The following CHRNA7 variants were observed in gnomAD, a reference collection of about 807,000 sequenced individuals.
CHRNA7 encodes neuronal acetylcholine receptor subunit alpha-7.
Under a neutral mutation model 48.0 loss-of-function variants are expected in CHRNA7, and 17 were observed. That is an observed-to-expected ratio of 0.35 (90% CI 0.24 to 0.53). CHRNA7 has a LOEUF of 0.53. CHRNA7 is among the 20% of genes least tolerant of loss of function. The pLI is 0.92. For missense variants in CHRNA7, 155 were observed against 577.7 expected (o/e 0.27, Z 7.50); for synonymous variants, 75 against 242.3 (o/e 0.31, Z 6.41).
intron 2 of CHRNA7, among the ~76,000 whole-genome samples, chr15:32,096,453 GA>G (rs1238163223): frequency 1.3e-5 from 2 of 151,928 alleles, no homozygotes; most frequent in East Asian, 3.9e-4. Context: ...GTAAAACTAA[GA>G]AAAAAATATG....
chr15:32,041,764 C>A (rs1444988050), intron 2 of CHRNA7, among the ~76,000 whole-genome samples: 1 of 152,234 alleles, frequency 6.6e-6, no homozygotes, highest in African/African-American at 2.4e-5. Context: ...GGGATTCTTT[C>A]CTCAGCTGTA....
intron 2 of CHRNA7, among the ~76,000 whole-genome samples, chr15:32,039,367 C>T (rs542848600): frequency 1.3e-4 from 20 of 152,092 alleles, no homozygotes; most frequent in Middle Eastern, 6.8e-3. Flanking sequence ...TTAGATCTTT[C>T]ATTTCTGTAC....
chr15:32,080,500 T>C (rs982533268), intron 2 of CHRNA7, among the ~76,000 whole-genome samples: 1 of 151,964 alleles, frequency 6.6e-6, no homozygotes, highest in Non-Finnish European at 1.5e-5. Context: ...CAGACACTTC[T>C]CAAAAGAAGA....
At chr15:32,111,128 C>T (rs1397939213) in intron 3 of CHRNA7, 1 of 152,190 alleles carries the variant, frequency 6.6e-6, no homozygotes. Flanking sequence ...GGGTATTCCT[C>T]TGGCAAAAGT....
chr15:32,119,778 G>A (rs1033245807), intron 4 of CHRNA7, among the ~76,000 whole-genome samples: 1 of 152,088 alleles, frequency 6.6e-6, no homozygotes, highest in Non-Finnish European at 1.5e-5. Context: ...TGCTTTTGTT[G>A]TTTCTTCTGA....
intron 3 of CHRNA7, among the ~76,000 whole-genome samples, chr15:32,107,692 G>C (rs902279041): frequency 6.6e-6 from 1 of 152,152 alleles, no homozygotes; most frequent in Non-Finnish European, 1.5e-5. Flanking sequence ...AGCTGTTGTC[G>C]TAACTTCTCG....
intron 2 of CHRNA7, among the ~76,000 whole-genome samples, chr15:32,042,885 T>C (rs1260200971): frequency 3.3e-5 from 5 of 152,182 alleles, no homozygotes; most frequent in Non-Finnish European, 7.3e-5. Flanking sequence ...ATACATTTCT[T>C]AAAATGACAA....
At position 32,111,916 on chromosome 15, in the gene CHRNA7, A is replaced by G. The variant is rs754334488; in HGVS notation, c.350+17A>G. On this transcript the variant is annotated intron_variant, in intron 4 of 9. Transcript: ENST00000306901. ...CTATAACAGGTAAGCATATTGAACA[A>G]AGGAAAAAAATGATTTTATGCTTGC... The G allele has an allele frequency of 5.6e-6, 8 of 1,437,840 alleles. No homozygotes were observed. The East Asian group carries it at 1.6e-4, about 29-fold the overall frequency. The allele number at this position is 1,437,840 out of a possible 1,614,324, so 89.1% of individuals were successfully genotyped here. A position where few individuals can be genotyped will look rare whatever the true frequency, so the allele number is the denominator to read the frequency against.
chr15:32,126,118 T>C (rs1238067013), intron 4 of CHRNA7, among the ~76,000 whole-genome samples: 6 of 152,194 alleles, frequency 3.9e-5, no homozygotes, highest in Non-Finnish European at 7.4e-5. Context: ...TAGAGAACTT[T>C]AGTGAATCAC....
intron 4 of CHRNA7, among the ~76,000 whole-genome samples, chr15:32,136,839 G>A (rs947837628): frequency 1.3e-5 from 2 of 148,342 alleles, no homozygotes; most frequent in East Asian, 2.0e-4. Context: ...AGACCATCCC[G>A]GCTAACACGG....
In CHRNA7 at chr15:32,031,052, G is replaced by A; in HGVS notation, c.195+15G>A. The stretch of plus-strand genomic sequence containing the variant: ...TCATGGACGTGGTGAGTCCCGCCTG[G>A]CTACAGGGCTGCCCTCTCCCCTTCC... On this transcript the variant is annotated intron_variant, in intron 2 of 9. Coordinates refer to ENST00000306901, the MANE Select transcript of CHRNA7 (RefSeq NM_000746.6). 6.2e-7 allele frequency: 1 copy of A among 1,613,890 alleles called. No homozygotes were observed. The highest frequency in any genetic ancestry group is 1.1e-5 in the South Asian group (1 of 91,042).
intron 4 of CHRNA7, among the ~76,000 whole-genome samples, chr15:32,132,370 G>A (rs1566862096): frequency 6.6e-6 from 1 of 152,122 alleles, no homozygotes; most frequent in Non-Finnish European, 1.5e-5. Context: ...TGTCACAAAG[G>A]TGTGATCCCT....
intron 2 of CHRNA7, among the ~76,000 whole-genome samples, chr15:32,065,560 C>T (rs915382382): frequency 5.3e-5 from 8 of 152,212 alleles, no homozygotes; most frequent in East Asian, 1.9e-4. Flanking sequence ...CTGGGGAATT[C>T]GATGTCCACA....
At chr15:32,140,383 C>T (rs903146184) in intron 4 of CHRNA7, among the ~76,000 whole-genome samples, 24 of 152,124 alleles carry the variant, frequency 1.6e-4, no homozygotes, top group African/African-American at 4.1e-4. Flanking sequence ...AATAAATATA[C>T]GTGTGCATAT....
intron 2 of CHRNA7, among the ~76,000 whole-genome samples, chr15:32,031,853 C>A (rs1465150172): frequency 6.6e-6 from 1 of 152,180 alleles, no homozygotes. Flanking sequence ...GGTTTGGTGT[C>A]TTGTCTATAC....
chr15:32,111,585 G>T (rs373905233), intron 3 of CHRNA7: 14 of 520,182 alleles, frequency 2.7e-5, no homozygotes, highest in East Asian at 1.2e-4. Context: ...GGTGACAGCA[G>T]AACCTTAAAT....
At chr15:32,063,497 A>G (rs2049913540) in intron 2 of CHRNA7, among the ~76,000 whole-genome samples, 1 of 152,240 alleles carries the variant, frequency 6.6e-6, no homozygotes, top group Non-Finnish European at 1.5e-5. Context: ...TGTGGAGACC[A>G]GCAGTGCCAT....
At chr15:32,105,362 GAGA>G (rs765800392) in intron 3 of CHRNA7, among the ~76,000 whole-genome samples, 7 of 152,004 alleles carry the variant, frequency 4.6e-5, no homozygotes, top group Non-Finnish European at 8.8e-5. Flanking sequence ...AAAAGAGGAG[GAGA>G]AGGAGGAGGA....
At chr15:32,051,863 G>T (rs1244331480) in intron 2 of CHRNA7, among the ~76,000 whole-genome samples, 1 of 152,158 alleles carries the variant, frequency 6.6e-6, no homozygotes. Context: ...TTTTAGTAGA[G>T]ACGGGGTTTC....
Sources: allele counts gnomAD v4.1 joint callset (sites outside exome capture counted in the v4.1 genomes callset), GRCh38; gene constraint gnomAD v4.1.1; transcripts MANE v1.5; gene names NCBI Gene and HGNC (gene_info 2026-07-23, HGNC 2026-07-21).